MED14: variants seen among roughly 807,000 people sequenced by gnomAD.
MED14 encodes mediator complex subunit 14, also known as mediator of RNA polymerase II transcription subunit 14.
In MED14, 8 loss-of-function variants were observed where a neutral mutation model predicts 109.0. The ratio of observed to expected loss-of-function variants is 0.07; its 90% CI spans 0.04 to 0.13. MED14 has a LOEUF of 0.13. MED14 is among the 10% of genes least tolerant of loss of function. The probability of loss-of-function intolerance (pLI) is 1.00; values close to 1 mark genes in which losing one functional copy is unlikely to be tolerated. For synonymous variants in MED14, 399 were observed against 408.7 expected (o/e 0.98, Z 0.29); for missense variants, 711 against 1,142.4 (o/e 0.62, Z 5.44).
intron 2 of MED14, among the ~76,000 whole-genome samples, chrX:40,727,355 T>A (rs1490593859): frequency 8.9e-6 from 1 of 111,849 alleles, no homozygotes. Flanking sequence ...TGCACCAGCA[T>A]GAAAGATTGA....
intron 21 of MED14, among the ~76,000 whole-genome samples, chrX:40,678,486 C>T (rs6520674): frequency 0.077 from 8,585 of 111,018 alleles, 642 homozygotes; most frequent in African/African-American, 0.22. Flanking sequence ...TTCATAACTG[C>T]ACAAATGCTG....
Position 40,732,392 on chromosome X carries a change from G to A in MED14, c.215+2806C>T, listed in dbSNP as rs944285801. On this transcript the variant is annotated intron_variant, in intron 1 of 30. Coordinates refer to ENST00000324817, the MANE Select transcript of MED14 (RefSeq NM_004229.4). ...AAATTAACCAGGTGTGGTGGTGCAT[G>A]CCTGTAATCGCAGCTACTCGGGAGG... 3.6e-5 allele frequency among the ~76,000 whole-genome samples: 4 copies of A among 111,416 alleles called. No individual in the cohort carries two copies. The Admixed American group carries it at 3.8e-4, about 11-fold the overall frequency.
chrX:40,659,884 GGACT>G, intron 26 of MED14: 1 of 219,287 alleles, frequency 4.6e-6, no homozygotes, highest in Non-Finnish European at 8.1e-6. Context: ...TTGATCCAGA[GGACT>G]GACCAATGTG....
At chrX:40,686,433 T>C (rs1163435430) in intron 16 of MED14, among the ~76,000 whole-genome samples, 1 of 111,618 alleles carries the variant, frequency 9.0e-6, no homozygotes, top group East Asian at 2.8e-4. Context: ...AAAAAACCTA[T>C]ATTCAAGGCA....
At chrX:40,702,759 T>C (rs758700565) in intron 11 of MED14, among the ~76,000 whole-genome samples, 161 of 111,857 alleles carry the variant, frequency 1.4e-3, no homozygotes, top group Non-Finnish European at 2.7e-3. Flanking sequence ...TTCAAAGTAA[T>C]TAGTTCAGTT....
intron 3 of MED14, among the ~76,000 whole-genome samples, chrX:40,716,371 T>C (rs1931521180): frequency 1.8e-5 from 2 of 110,530 alleles, no homozygotes; most frequent in African/African-American, 3.3e-5. Context: ...GGCAGGAGGA[T>C]TGCTTGAGCC....
At chrX:40,718,707 G>C (rs1569297171) in intron 3 of MED14, among the ~76,000 whole-genome samples, 1 of 110,925 alleles carries the variant, frequency 9.0e-6, no homozygotes, top group Non-Finnish European at 1.9e-5. Flanking sequence ...ACAGTAGTGT[G>C]AGTGCCTGTG....
At chrX:40,684,590 G>A (rs73624922) in intron 16 of MED14, among the ~76,000 whole-genome samples, 5,884 of 112,062 alleles carry the variant, frequency 0.053, 273 homozygotes, top group Admixed American at 0.14. Flanking sequence ...GGTATACTGA[G>A]GACTTGCCTG....
intron 11 of MED14, among the ~76,000 whole-genome samples, chrX:40,701,538 C>T (rs1930937530): frequency 9.0e-6 from 1 of 111,442 alleles, no homozygotes; most frequent in Non-Finnish European, 1.9e-5. Flanking sequence ...TATTTTAATT[C>T]CCCAAACTCC....
intron 1 of MED14, among the ~76,000 whole-genome samples, chrX:40,733,926 A>G (rs1932165887): frequency 8.9e-6 from 1 of 112,158 alleles, no homozygotes; most frequent in Admixed American, 9.4e-5. Context: ...GTGGGACTAT[A>G]ACTACATACT....
chrX:40,710,655 C>T lies in MED14; in HGVS notation c.1022+514G>A, dbSNP rs976585917. On this transcript the variant is annotated intron_variant, in intron 8 of 30. Transcript: ENST00000324817. ...TAATGGTCTTTTCTAACCTAACGGT[C>T]TTTTAGCTATTTGGTATAAACCCAA... Among the ~76,000 whole-genome samples, 7 of 110,868 alleles carry T rather than the reference C, an allele frequency of 6.3e-5. No homozygotes were observed. The Admixed American group carries it at 6.7e-4, about 11-fold the overall frequency.
chrX:40,711,424 T>A, intron 7 of MED14, 123 bp from the exon 8 acceptor site: 1 of 499,640 alleles, frequency 2.0e-6, no homozygotes, highest in Non-Finnish European at 3.2e-6. Context: ...AGAAAATTTC[T>A]GAAATGATTA....
intron 15 of MED14, among the ~76,000 whole-genome samples, chrX:40,690,743 T>A (rs1930472005): frequency 8.9e-6 from 1 of 111,862 alleles, no homozygotes; most frequent in Non-Finnish European, 1.9e-5. Flanking sequence ...ATGAAGTTTT[T>A]TACCGTAACA....
intron 23 of MED14, among the ~76,000 whole-genome samples, 168 bp downstream of exon 23, chrX:40,671,693 T>C (rs1261146228): frequency 1.8e-5 from 2 of 111,988 alleles, no homozygotes; most frequent in African/African-American, 6.5e-5. Flanking sequence ...TGGACACAGA[T>C]TTCACAAACC....
rs1928830701 is a variant in MED14, at chrX:40,650,567, T to C, written c.*1239A>G. The C allele has an allele frequency of 1.1e-5, 8 of 754,080 alleles. No individual in the cohort carries two copies. Among genetic ancestry groups the C allele is most frequent in the Non-Finnish European group, 1.3e-5 (8 of 639,337 alleles). 62.1% of individuals were successfully genotyped at this position (754,080 alleles called of 1,213,427 possible). A position where few individuals can be genotyped will look rare whatever the true frequency, so the allele number is the denominator to read the frequency against. On this transcript the variant is annotated 3_prime_UTR_variant, in exon 31 of 31. Transcript: ENST00000324817. Reference sequence around the variant, plus strand: ...GACCTTTGCATCAGACCATGTTCTTTGAAGCTTAAAAAAGTCCCTGACTGA... The same window carrying C: ...GACCTTTGCATCAGACCATGTTCTTCGAAGCTTAAAAAAGTCCCTGACTGA...
rs35345632 is a variant in MED14 at position 40,702,346 on chromosome X, GT to G, written c.1411+1097del. 8.0e-4 allele frequency among the ~76,000 whole-genome samples: 66 copies of G among 82,176 alleles called. No homozygotes were observed. The East Asian group carries it at 0.012, about 14-fold the overall frequency. The allele number at this position is 82,176 out of a possible 115,157, so 71.4% of individuals were successfully genotyped here. On this transcript the variant is annotated intron_variant, in intron 11 of 30. Transcript: ENST00000324817. ...AGAAAAACAGTTAAATATAAGTTTTGTTTTTTTTTTTTTTTTTTGAGACGGA... is the reference window on the plus strand; with the variant it reads ...AGAAAAACAGTTAAATATAAGTTTTGTTTTTTTTTTTTTTTTTGAGACGGA...
At chrX:40,672,708 T>G (rs1296089134) in intron 22 of MED14, among the ~76,000 whole-genome samples, 1 of 111,638 alleles carries the variant, frequency 9.0e-6, no homozygotes, top group Non-Finnish European at 1.9e-5. Context: ...GGACATCCTA[T>G]TATGTGAAAT....
chrX:40,657,968 A>G (rs1232456282), intron 28 of MED14, among the ~76,000 whole-genome samples: 1 of 107,725 alleles, frequency 9.3e-6, no homozygotes, highest in East Asian at 2.9e-4. Context: ...ATTTTTTTGT[A>G]TTTTTAGTAG....
At chrX:40,717,009 G>T (rs771280497) in intron 3 of MED14, among the ~76,000 whole-genome samples, 1 of 111,363 alleles carries the variant, frequency 9.0e-6, no homozygotes, top group Non-Finnish European at 1.9e-5. Context: ...AAGCTGGGAA[G>T]GGGGGAGGAG....
Sources: gnomAD v4.1 joint callset for allele counts (sites outside exome capture counted in the v4.1 genomes callset) on GRCh38, gnomAD v4.1.1 for gene constraint, MANE v1.5 for transcripts, NCBI Gene and HGNC (gene_info 2026-07-23, HGNC 2026-07-21) for gene names.